The following TAB3 variants were observed in gnomAD, a reference collection of about 807,000 sequenced individuals.
TAB3 encodes TGF-beta activated kinase 1 (MAP3K7) binding protein 3, also known as TGF-beta-activated kinase 1 and MAP3K7-binding protein 3.
A neutral mutation model predicts 48.1 loss-of-function variants in TAB3; 18 were observed. That is an observed-to-expected ratio of 0.37 (90% confidence interval 0.26 to 0.55). The LOEUF is 0.55. TAB3 is among the 20% of genes least tolerant of loss of function. The probability of loss-of-function intolerance (pLI) is 0.78; values close to 1 mark genes in which losing one functional copy is unlikely to be tolerated. For missense variants in TAB3, 414 were observed against 549.8 expected (o/e 0.75, Z 2.47); for synonymous variants, 185 against 190.2 (o/e 0.97, Z 0.22).
At chrX:30,843,615 A>AGTGTAAGATTCTCC (rs1938525732) in intron 8 of TAB3, 1 of 112,209 alleles carries the variant, frequency 8.9e-6, no homozygotes, top group Non-Finnish European at 1.9e-5. Context: ...ATGTATTCTT[A>AGTGTAAGATTCTCC]TTTTCAAGAA....
intron 8 of TAB3, chrX:30,843,757 A>T (rs1454020430): frequency 9.0e-6 from 1 of 111,521 alleles, no homozygotes; most frequent in East Asian, 2.8e-4. Flanking sequence ...GTCTGTCTTC[A>T]AATGTTCATT....
chrX:30,833,941 G>A (rs994177133), intron 10 of TAB3, 110 bp downstream of exon 10: 6 of 655,084 alleles, frequency 9.2e-6, no homozygotes, highest in Middle Eastern at 3.2e-4. Context: ...TTAGAAACTC[G>A]GTAATGTTTT....
At chrX:30,872,389 C>T (rs1178403937) in intron 1 of TAB3, among the ~76,000 whole-genome samples, 1 of 111,110 alleles carries the variant, frequency 9.0e-6, no homozygotes, top group Non-Finnish European at 1.9e-5. Context: ...TTTGTTTTTC[C>T]CTGCCACCCT....
intron 4 of TAB3, 78 bp from the exon 5 acceptor site, chrX:30,859,756 A>C: frequency 2.3e-6 from 1 of 433,886 alleles, no homozygotes; most frequent in Non-Finnish European, 4.0e-6. Flanking sequence ...TATACATCTC[A>C]GTAGTGGTGG....
intron 4 of TAB3, among the ~76,000 whole-genome samples, chrX:30,861,074 G>A (rs993035808): frequency 9.0e-6 from 1 of 110,994 alleles, no homozygotes; most frequent in Non-Finnish European, 1.9e-5. Context: ...AAGGGTATGC[G>A]GTGTTCTTTC....
rs1371811198 is a variant in TAB3, at chrX:30,828,775, A to G, written c.*2652T>C. 1 of 112,094 alleles carries G rather than the reference A, an allele frequency of 8.9e-6. No homozygotes were observed. The highest frequency in any genetic ancestry group is 2.8e-4 in the East Asian group (1 of 3,609). The allele number at this position is 112,094 out of a possible 1,213,427, so 9.2% of individuals were successfully genotyped here. On this transcript the variant is annotated 3_prime_UTR_variant, in exon 11 of 11. Transcript: ENST00000288422. ...CACCAGCTGATCCAGCTGGCACCTCAGCAGCCAGGCGTCATCCGATTTATA... is the reference window on the plus strand; with the variant it reads ...CACCAGCTGATCCAGCTGGCACCTCGGCAGCCAGGCGTCATCCGATTTATA...
chrX:30,835,990 G>C (rs1938197033), intron 9 of TAB3: 1 of 111,913 alleles, frequency 8.9e-6, no homozygotes, highest in East Asian at 2.8e-4. Flanking sequence ...AGGCCAATCT[G>C]TGCTAAACTA....
intron 7 of TAB3, among the ~76,000 whole-genome samples, chrX:30,848,185 C>T (rs887997145): frequency 9.0e-6 from 1 of 110,996 alleles, no homozygotes; most frequent in Non-Finnish European, 1.9e-5. Context: ...CCACAGTGGC[C>T]CAAAACAGTG....
chrX:30,839,836 T>G (rs1196485297), intron 9 of TAB3, among the ~76,000 whole-genome samples: 2 of 106,799 alleles, frequency 1.9e-5, no homozygotes, highest in Non-Finnish European at 3.8e-5. Context: ...TACCCACCAG[T>G]GAATCTATCT....
At chrX:30,882,040 A>C (rs1475742744) in intron 1 of TAB3, among the ~76,000 whole-genome samples, 1 of 112,395 alleles carries the variant, frequency 8.9e-6, no homozygotes, top group Non-Finnish European at 1.9e-5. Flanking sequence ...AGTAAAGTTC[A>C]TGATGTGCAG....
chrX:30,853,440 T>C (rs1456875726), intron 6 of TAB3, among the ~76,000 whole-genome samples: 1 of 112,558 alleles, frequency 8.9e-6, no homozygotes, highest in African/African-American at 3.2e-5. Flanking sequence ...GTAAATATCA[T>C]TATGCCCTCT....
intron 2 of TAB3, among the ~76,000 whole-genome samples, chrX:30,868,438 TTATATATATAGCTTATA>T (rs1198695408): frequency 4.6e-5 from 2 of 43,118 alleles, no homozygotes; most frequent in African/African-American, 1.1e-4. Flanking sequence ...TATATATAGC[TTATATATATAGCTTATA>T]TATATATATA....
chrX:30,847,846 A>G (rs983497552), intron 7 of TAB3, among the ~76,000 whole-genome samples: 6 of 111,644 alleles, frequency 5.4e-5, no homozygotes, highest in African/African-American at 2.0e-4. Context: ...TAAGTGATAA[A>G]AGGCAGAATA....
chrX:30,854,284 G>A lies in TAB3; in HGVS notation c.1381C>T (p.Arg461Ter). 2 of 1,211,375 alleles carry A rather than the reference G, an allele frequency of 1.7e-6. No individual in the cohort carries two copies. Among genetic ancestry groups the A allele is most frequent in the Non-Finnish European group, 2.2e-6 (2 of 895,406 alleles). The change falls in exon 6 of 11, where the codon CGA (arginine) becomes TGA (stop). Residue 461 changes from arginine to a stop codon, truncating the protein, a stop_gained. Coordinates refer to ENST00000288422, the MANE Select transcript of TAB3 (RefSeq NM_152787.5). LOFTEE classifies it high-confidence loss of function. ...PTTVFKITVG[R>*]ATTENLLNLV... ...TTTAAAAGATTTTCAGTCGTTGCTCGGCCTACGGTAATTTTAAAAACTGTA... is the reference window on the plus strand; with the variant it reads ...TTTAAAAGATTTTCAGTCGTTGCTCAGCCTACGGTAATTTTAAAAACTGTA...
intron 2 of TAB3, among the ~76,000 whole-genome samples, chrX:30,869,030 A>G (rs1208459912): frequency 9.3e-6 from 1 of 107,676 alleles, no homozygotes. Flanking sequence ...ACTTTTTTCT[A>G]CTTTCTGATA....
chrX:30,831,596 G>C lies in TAB3; in HGVS notation c.1991-21C>G, dbSNP rs779494899. 1.2e-5 allele frequency: 14 copies of C among 1,196,325 alleles called. No homozygotes were observed. The East Asian group carries it at 1.8e-4, about 15-fold the overall frequency. On this transcript the variant is annotated intron_variant, in intron 10 of 10. Transcript: ENST00000288422. ...ATGCTCTGAGGGAGGTTAGGATTAA[G>C]GGGGAGGGGGAAGGTAAATAGATTA...
intron 9 of TAB3, chrX:30,835,434 T>TACA (rs1938168051): frequency 8.6e-6 from 1 of 116,466 alleles, no homozygotes; most frequent in Admixed American, 9.5e-5. Flanking sequence ...CACTAACTCT[T>TACA]ACAACCTTTG....
intron 1 of TAB3, among the ~76,000 whole-genome samples, chrX:30,886,067 T>C (rs1940122282): frequency 8.9e-6 from 1 of 112,356 alleles, no homozygotes; most frequent in Non-Finnish European, 1.9e-5. Context: ...GAACTGTCCA[T>C]GAATTAAACT....
intron 1 of TAB3, among the ~76,000 whole-genome samples, chrX:30,888,697 C>T: frequency 8.9e-6 from 1 of 112,909 alleles, no homozygotes; most frequent in East Asian, 2.8e-4. Flanking sequence ...CTCTCAACAC[C>T]CTCAACGGCC....
Sources: allele counts gnomAD v4.1 joint callset (sites outside exome capture counted in the v4.1 genomes callset), GRCh38; gene constraint gnomAD v4.1.1; transcripts MANE v1.5; gene names NCBI Gene and HGNC (gene_info 2026-07-23, HGNC 2026-07-21).